Variants in SNAP91 observed in about 807,000 individuals in gnomAD.
SNAP91 encodes the protein clathrin coat assembly protein AP180.
Under a neutral mutation model 100.3 loss-of-function variants are expected in SNAP91, and 27 were observed. The ratio of observed to expected loss-of-function variants is 0.27; its 90% CI spans 0.20 to 0.37. The LOEUF is 0.37. Among genes scored for constraint, SNAP91 ranks in the 10% least tolerant of loss-of-function variants. SNAP91 has a pLI of 1.00. For missense variants in SNAP91, 986 were observed against 1,123.7 expected (o/e 0.88, Z 1.75); for synonymous variants, 404 against 398.6 (o/e 1.01, Z -0.16).
intron 8 of SNAP91, among the ~76,000 whole-genome samples, chr6:83,633,744 C>A (rs979561765): frequency 6.6e-6 from 1 of 152,156 alleles, no homozygotes; most frequent in Non-Finnish European, 1.5e-5. Flanking sequence ...AGCAACAGCA[C>A]TGAATGTGTT....
chr6:83,665,306 G>T, intron 3 of SNAP91, 133 bp downstream of exon 3: 1 of 840,268 alleles, frequency 1.2e-6, no homozygotes, highest in Non-Finnish European at 1.8e-6. Flanking sequence ...TTGTATTCTA[G>T]ATGATCCGGA....
chr6:83,573,316 G>C (rs1414976055), intron 26 of SNAP91, among the ~76,000 whole-genome samples: 1 of 152,126 alleles, frequency 6.6e-6, no homozygotes, highest in Non-Finnish European at 1.5e-5. Flanking sequence ...ACAAACAAAT[G>C]GAAGAACATT....
intron 2 of SNAP91, among the ~76,000 whole-genome samples, chr6:83,671,612 A>C (rs2098787957): frequency 6.6e-6 from 1 of 152,068 alleles, no homozygotes; most frequent in Admixed American, 6.6e-5. Flanking sequence ...AGTTTGAAGC[A>C]ATTGAAAATT....
At chr6:83,628,497 TCAC>T (rs771899622) in intron 8 of SNAP91, among the ~76,000 whole-genome samples, 1 of 151,842 alleles carries the variant, frequency 6.6e-6, no homozygotes, top group Non-Finnish European at 1.5e-5. Flanking sequence ...TGTTCCCTGA[TCAC>T]CACATCCATG....
chr6:83,621,315 T>C (rs1245946765), intron 9 of SNAP91, among the ~76,000 whole-genome samples: 2 of 152,224 alleles, frequency 1.3e-5, no homozygotes, highest in Non-Finnish European at 2.9e-5. Flanking sequence ...GGTTGTATAG[T>C]ATCCCATGGT....
At chr6:83,574,901 A>G in intron 26 of SNAP91, 109 bp downstream of exon 26, 1 of 656,344 alleles carries the variant, frequency 1.5e-6, no homozygotes, top group Non-Finnish European at 2.6e-6. Context: ...TCTTCAATGC[A>G]GAGGAATAAG....
intron 8 of SNAP91, among the ~76,000 whole-genome samples, chr6:83,632,387 T>C (rs2097245477): frequency 6.6e-6 from 1 of 152,200 alleles, no homozygotes; most frequent in Admixed American, 6.5e-5. Flanking sequence ...CTTTTTGTGA[T>C]GAATTTCCCT....
At chr6:83,675,186 T>A (rs2098843778) in intron 2 of SNAP91, among the ~76,000 whole-genome samples, 1 of 152,178 alleles carries the variant, frequency 6.6e-6, no homozygotes, top group African/African-American at 2.4e-5. Context: ...CTTATAGAGA[T>A]AAAGGGGAGC....
At chr6:83,582,827 C>A (rs1341127979) in intron 22 of SNAP91, among the ~76,000 whole-genome samples, 1 of 152,210 alleles carries the variant, frequency 6.6e-6, no homozygotes, top group African/African-American at 2.4e-5. Context: ...TCTAGCCCCA[C>A]TGCTGTTACC....
At chr6:83,668,886 T>C (rs1438165660) in intron 2 of SNAP91, among the ~76,000 whole-genome samples, 2 of 152,046 alleles carry the variant, frequency 1.3e-5, no homozygotes, top group Non-Finnish European at 2.9e-5. Flanking sequence ...TAACATCTTA[T>C]ACACCCACTG....
chr6:83,619,077 T>C (rs2128378249), intron 9 of SNAP91, among the ~76,000 whole-genome samples: 1 of 151,476 alleles, frequency 6.6e-6, no homozygotes, highest in East Asian at 1.9e-4. Context: ...AAAGTTTCTT[T>C]CTAAGTGAGA....
intron 12 of SNAP91, among the ~76,000 whole-genome samples, chr6:83,609,089 G>T (rs2095826893): frequency 6.6e-6 from 1 of 152,042 alleles, no homozygotes; most frequent in South Asian, 2.1e-4. Context: ...CTTATTGACA[G>T]CAATAAATAT....
intron 23 of SNAP91, 69 bp downstream of exon 23, chr6:83,582,153 T>A (rs1829370411): frequency 2.6e-6 from 4 of 1,518,670 alleles, no homozygotes; most frequent in Non-Finnish European, 3.6e-6. Context: ...GATAGCATAC[T>A]AACCTTAGGT....
chr6:83,562,828 C>T (rs1481451990), intron 26 of SNAP91, among the ~76,000 whole-genome samples: 2 of 152,198 alleles, frequency 1.3e-5, no homozygotes, highest in Non-Finnish European at 2.9e-5. Flanking sequence ...AGATCCCTCA[C>T]TCTCACTCTC....
Position 83,649,852 on chromosome 6 carries a change from G to A in SNAP91, c.658+6902C>T, listed in dbSNP as rs548200323. 2.6e-3 allele frequency among the ~76,000 whole-genome samples: 399 copies of A among 152,038 alleles called. 2 individuals carry two copies. Among genetic ancestry groups the A allele is most frequent in the Non-Finnish European group, 3.5e-3 (238 of 67,994 alleles). ...GATCTGCCCACCTTGGCCTCCCAAAGTGTTGGGATTACAGGCGTGAGCCAC... is the reference window on the plus strand; with the variant it reads ...GATCTGCCCACCTTGGCCTCCCAAAATGTTGGGATTACAGGCGTGAGCCAC... On this transcript the variant is annotated intron_variant, in intron 7 of 29. Coordinates refer to ENST00000369694, the MANE Select transcript of SNAP91 (RefSeq NM_001242792.2).
intron 26 of SNAP91, among the ~76,000 whole-genome samples, chr6:83,570,761 G>T (rs1045069289): frequency 5.3e-5 from 8 of 152,182 alleles, no homozygotes; most frequent in Non-Finnish European, 8.8e-5. Context: ...ATTGAGGTTT[G>T]GGAACCTCCA....
chr6:83,604,663 A>G (rs546890452), intron 14 of SNAP91, among the ~76,000 whole-genome samples: 5 of 152,306 alleles, frequency 3.3e-5, no homozygotes, highest in South Asian at 2.1e-4. Context: ...TGATTCTCCA[A>G]TGTTATGTTG....
chr6:83,598,270 T>A (rs116235407), intron 16 of SNAP91, among the ~76,000 whole-genome samples: 74 of 152,264 alleles, frequency 4.9e-4, no homozygotes, highest in African/African-American at 1.8e-3. Flanking sequence ...TGCATGATCA[T>A]AAAAAGAAGA....
At chr6:83,705,824 G>C (rs907094377) in intron 2 of SNAP91, among the ~76,000 whole-genome samples, 1 of 149,624 alleles carries the variant, frequency 6.7e-6, no homozygotes, top group African/African-American at 2.4e-5. Context: ...AAAAAAAAAA[G>C]CCATGAAAGT....
Sources: allele counts gnomAD v4.1 joint callset (sites outside exome capture counted in the v4.1 genomes callset), GRCh38; gene constraint gnomAD v4.1.1; transcripts MANE v1.5; gene names NCBI Gene and HGNC (gene_info 2026-07-23, HGNC 2026-07-21).